The following CHLSN variants were observed in gnomAD, a reference collection of about 807,000 sequenced individuals.
CHLSN encodes the protein cholesin.
At chr7:1,136,571 C>T in the CHLSN span, among the ~76,000 whole-genome samples, 2 of 27,248 alleles carry the variant, frequency 7.3e-5, no homozygotes, top group Non-Finnish European at 1.5e-4. Flanking sequence ...AACATATAAA[C>T]ATAAACATAT....
chr7:1,046,178 G>A, the CHLSN span, among the ~76,000 whole-genome samples: 2 of 152,238 alleles, frequency 1.3e-5, no homozygotes, highest in African/African-American at 4.8e-5. Flanking sequence ...GCTCACTGGG[G>A]CAGGGAGAAG....
At chr7:987,372 C>A in the CHLSN span, 2 of 1,591,912 alleles carry the variant, frequency 1.3e-6, no homozygotes, top group African/African-American at 2.7e-5. Context: ...AGCTAGACCG[C>A]GTGCTGGGCC....
At chr7:1,003,695 T>C in the CHLSN span, among the ~76,000 whole-genome samples, 1 of 76,730 alleles carries the variant, frequency 1.3e-5, no homozygotes, top group African/African-American at 5.8e-5. Flanking sequence ...GGGAGTCCTG[T>C]GGGTGAGTGG....
the CHLSN span, among the ~76,000 whole-genome samples, chr7:1,064,721 C>T: frequency 7.9e-5 from 12 of 152,192 alleles, no homozygotes; most frequent in Non-Finnish European, 1.0e-4. Flanking sequence ...CCCAGACTGT[C>T]GGATGTGGGG....
chr7:1,105,211 T>C, the CHLSN span, among the ~76,000 whole-genome samples: 1 of 152,226 alleles, frequency 6.6e-6, no homozygotes, highest in Non-Finnish European at 1.5e-5. Context: ...CAGCTTAAAA[T>C]ACCAAACGTA....
At chr7:1,062,913 T>C in the CHLSN span, among the ~76,000 whole-genome samples, 4 of 152,012 alleles carry the variant, frequency 2.6e-5, no homozygotes, top group African/African-American at 9.7e-5. Context: ...CTAACCAACT[T>C]AAACCTCACC....
the CHLSN span, among the ~76,000 whole-genome samples, chr7:1,016,129 GCACAC>G: frequency 1.1e-5 from 1 of 89,872 alleles, no homozygotes; most frequent in Admixed American, 1.2e-4. Context: ...GCACACAGCA[GCACAC>G]GCCAGCACAC....
the CHLSN span, among the ~76,000 whole-genome samples, chr7:1,105,169 G>GCT: frequency 6.6e-6 from 1 of 152,356 alleles, no homozygotes; most frequent in Non-Finnish European, 1.5e-5. Flanking sequence ...CAAGCCACAG[G>GCT]CTCTGGGCAC....
the CHLSN span, among the ~76,000 whole-genome samples, chr7:1,095,538 CAG>C: frequency 9.9e-5 from 15 of 152,248 alleles, no homozygotes; most frequent in Non-Finnish European, 1.6e-4. Flanking sequence ...ATAGCTTCAA[CAG>C]GGGCAAGGGC....
the CHLSN span, chr7:1,127,312 T>G: frequency 6.2e-7 from 1 of 1,611,978 alleles, no homozygotes; most frequent in Non-Finnish European, 8.5e-7. Context: ...CAGTGGCCCC[T>G]CTGCTGACGC....
the CHLSN span, among the ~76,000 whole-genome samples, chr7:1,034,515 G>A: frequency 6.6e-6 from 1 of 152,158 alleles, no homozygotes; most frequent in African/African-American, 2.4e-5. Flanking sequence ...CTGATTTCGG[G>A]ACATCGGACA....
At chr7:1,072,796 G>C in the CHLSN span, among the ~76,000 whole-genome samples, 88 of 149,572 alleles carry the variant, frequency 5.9e-4, no homozygotes, top group African/African-American at 2.1e-3. Flanking sequence ...TGATTCTCCT[G>C]CCTCAGCCTC....
chr7:1,028,203 C>T, the CHLSN span: 1 of 998,608 alleles, frequency 1.0e-6, no homozygotes, highest in Non-Finnish European at 1.2e-6. Context: ...TGGGGCAGGG[C>T]CCCTCCCATC....
the CHLSN span, chr7:1,044,508 G>A: frequency 6.6e-6 from 1 of 151,956 alleles, no homozygotes; most frequent in African/African-American, 2.4e-5. Context: ...GGCGGGGCCA[G>A]GCATGGCTGC....
At chr7:1,117,786 C>A in the CHLSN span, among the ~76,000 whole-genome samples, 11 of 150,586 alleles carry the variant, frequency 7.3e-5, no homozygotes, top group African/African-American at 2.7e-4. Flanking sequence ...GCCCACGCAG[C>A]ATGACATCGC....
At chr7:1,023,114 C>A in the CHLSN span, 25 of 396,574 alleles carry the variant, frequency 6.3e-5, no homozygotes, top group Non-Finnish European at 1.2e-4. The surrounding 1 kb of genome is among the most constrained non-coding windows in gnomAD (Gnocchi z 5.0). Flanking sequence ...GTGGCACCTG[C>A]CTGTGGCCCC....
At chr7:1,011,863 G>T in the CHLSN span, among the ~76,000 whole-genome samples, 2 of 152,212 alleles carry the variant, frequency 1.3e-5, no homozygotes, top group African/African-American at 2.4e-5. Flanking sequence ...GCACAGAGAG[G>T]CTGAAGAGTC....
chr7:1,019,951 CG>C, the CHLSN span, among the ~76,000 whole-genome samples: 14 of 152,210 alleles, frequency 9.2e-5, no homozygotes, highest in Admixed American at 5.9e-4. Flanking sequence ...AGGGAGGCCA[CG>C]GGGCACCTGG....
chr7:1,008,895 C>CACACAAGT, the CHLSN span, among the ~76,000 whole-genome samples: 1 of 70,308 alleles, frequency 1.4e-5, no homozygotes, highest in Non-Finnish European at 2.8e-5. Context: ...TATACACATG[C>CACACAAGT]ACACACGTAC....
Sources: gnomAD v4.1 joint callset for allele counts (sites outside exome capture counted in the v4.1 genomes callset) on GRCh38, gnomAD v4.1.1 for gene constraint, Gnocchi (gnomAD v3.1) non-coding constraint, MANE v1.5 for transcripts, NCBI Gene and HGNC (gene_info 2026-07-23, HGNC 2026-07-21) for gene names.